Variants in TSPAN7 observed in about 807,000 individuals in gnomAD.
TSPAN7 encodes the protein tetraspanin-7.
Under a neutral mutation model 17.6 loss-of-function variants are expected in TSPAN7, and 1 was observed. The ratio of observed to expected loss-of-function variants is 0.06; its 90% CI spans 0.02 to 0.27. The LOEUF (loss-of-function observed/expected upper bound fraction) is 0.27, where lower values mean the gene tolerates loss of function less well. Ranked by LOEUF, TSPAN7 falls within the 10% of genes least tolerant of loss-of-function variation. The probability of loss-of-function intolerance (pLI) is 1.00; values close to 1 mark genes in which losing one functional copy is unlikely to be tolerated. For synonymous variants in TSPAN7, 78 were observed against 79.0 expected (o/e 0.99, Z 0.07); for missense variants, 112 against 201.7 (o/e 0.56, Z 2.69).
intron 1 of TSPAN7, among the ~76,000 whole-genome samples, chrX:38,572,286 G>A (rs760703684): frequency 2.7e-5 from 3 of 111,419 alleles, no homozygotes; most frequent in South Asian, 7.6e-4. Flanking sequence ...TGATTGAGAA[G>A]CATGTTCACT....
chrX:38,575,987 G>A (rs1207349258), intron 1 of TSPAN7, among the ~76,000 whole-genome samples: 5 of 112,121 alleles, frequency 4.5e-5, no homozygotes, highest in African/African-American at 1.6e-4. Context: ...AGAAGTGGTA[G>A]GCAAACGTTT....
intron 1 of TSPAN7, among the ~76,000 whole-genome samples, chrX:38,588,048 A>G (rs1487469972): frequency 3.6e-5 from 4 of 111,496 alleles, no homozygotes; most frequent in Admixed American, 9.6e-5. Context: ...ACTAATTGCT[A>G]TAATTGGAGC....
At chrX:38,655,923 A>G (rs1410742502) in intron 1 of TSPAN7, 3 of 292,755 alleles carry the variant, frequency 1.0e-5, no homozygotes, top group African/African-American at 5.5e-5. Context: ...TAGGTTCAAC[A>G]TAATTATGAG....
intron 1 of TSPAN7, chrX:38,646,234 T>A: frequency 8.8e-7 from 1 of 1,137,661 alleles, no homozygotes; most frequent in Non-Finnish European, 1.2e-6. Context: ...TTTTCTATAA[T>A]ATCTTTTGTA....
chrX:38,669,176 G>A (rs1206935746), intron 2 of TSPAN7, among the ~76,000 whole-genome samples: 1 of 111,881 alleles, frequency 8.9e-6, no homozygotes, highest in Non-Finnish European at 1.9e-5. Context: ...CACAGAGTAT[G>A]CATGTATCAA....
At chrX:38,567,769 A>C (rs1488757440) in intron 1 of TSPAN7, among the ~76,000 whole-genome samples, 4 of 111,953 alleles carry the variant, frequency 3.6e-5, no homozygotes, top group African/African-American at 1.3e-4. Flanking sequence ...CTGTCTTCCC[A>C]CTATGGAAGA....
In TSPAN7 at chrX:38,674,187, G is replaced by A. The variant is rs1405245548; in HGVS notation, c.346-34G>A. 6 of 1,075,358 alleles carry A rather than the reference G, an allele frequency of 5.6e-6. No individual in the cohort carries two copies. In the South Asian group the frequency reaches 1.2e-4, roughly 21 times the overall value. 88.6% of individuals were successfully genotyped at this position (1,075,358 alleles called of 1,213,427 possible). On this transcript the variant is annotated intron_variant, in intron 3 of 7. Transcript: ENST00000378482. Reference sequence around the variant, plus strand: ...AATTGGAGTCAGTTTGGGCTGTGGTGGACTGCAATCACATCCCTCCTTGTC... The same window carrying A: ...AATTGGAGTCAGTTTGGGCTGTGGTAGACTGCAATCACATCCCTCCTTGTC...
At chrX:38,586,724 C>T (rs893379680) in intron 1 of TSPAN7, among the ~76,000 whole-genome samples, 46 of 112,019 alleles carry the variant, frequency 4.1e-4, no homozygotes, top group African/African-American at 1.5e-3. Flanking sequence ...TGTTGAGAGA[C>T]TTGGTCAATG....
At chrX:38,673,468 A>G (rs1324326706) in intron 3 of TSPAN7, among the ~76,000 whole-genome samples, 1 of 107,255 alleles carries the variant, frequency 9.3e-6, no homozygotes, top group East Asian at 2.9e-4. Context: ...CCTGGGTTCA[A>G]GCGATTCTCT....
chrX:38,632,948 C>T (rs1425747149), intron 1 of TSPAN7, among the ~76,000 whole-genome samples: 1 of 112,242 alleles, frequency 8.9e-6, no homozygotes, highest in African/African-American at 3.2e-5. Flanking sequence ...GTCTCTTCTG[C>T]CATTTCCTGG....
intron 3 of TSPAN7, among the ~76,000 whole-genome samples, chrX:38,671,856 C>A (rs769370583): frequency 3.9e-4 from 43 of 110,242 alleles, no homozygotes; most frequent in Non-Finnish European, 6.4e-4. Context: ...GCAGCCTGGG[C>A]AACATAGTGA....
rs185229754 is a variant in TSPAN7, at chrX:38,629,052, G to T, written c.82-37069G>T. Among the ~76,000 whole-genome samples, 3 of 112,249 alleles carry T rather than the reference G, an allele frequency of 2.7e-5. No homozygotes were observed. In the East Asian group the frequency reaches 8.4e-4, roughly 31 times the overall value. The stretch of plus-strand genomic sequence containing the variant: ...TCAATAGAAACAATATGTGAGCCTT[G>T]TGAGTGATTTTAAATTATCTAGTAC... On this transcript the variant is annotated intron_variant, in intron 1 of 7. Coordinates refer to ENST00000378482, the MANE Select transcript of TSPAN7 (RefSeq NM_004615.4).
intron 1 of TSPAN7, among the ~76,000 whole-genome samples, chrX:38,619,070 A>T (rs778696776): frequency 1.8e-5 from 2 of 111,611 alleles, no homozygotes; most frequent in East Asian, 5.7e-4. Context: ...GTTACCATGC[A>T]CTGAAAAATC....
intron 1 of TSPAN7, chrX:38,646,127 A>G (rs2069644523): frequency 2.1e-6 from 1 of 477,404 alleles, no homozygotes; most frequent in Non-Finnish European, 3.1e-6. Context: ...TAAACTAGTA[A>G]TAGTTGGTGT....
chrX:38,641,158 C>T (rs1188249004), intron 1 of TSPAN7, among the ~76,000 whole-genome samples: 1 of 111,968 alleles, frequency 8.9e-6, no homozygotes, highest in African/African-American at 3.2e-5. Context: ...AGTGGGAGAT[C>T]TCAAGTATGT....
chrX:38,630,198 T>TA (rs775770593), intron 1 of TSPAN7, among the ~76,000 whole-genome samples: 2 of 112,283 alleles, frequency 1.8e-5, no homozygotes, highest in South Asian at 7.4e-4. Context: ...TCATGTAGTC[T>TA]AAAAAGTGTT....
intron 1 of TSPAN7, among the ~76,000 whole-genome samples, chrX:38,635,362 GATGCCC>G (rs1390548185): frequency 9.0e-6 from 1 of 111,321 alleles, no homozygotes. Flanking sequence ...TTGAGGCCAA[GATGCCC>G]TCAAAGGTAG....
intron 1 of TSPAN7, among the ~76,000 whole-genome samples, chrX:38,653,746 G>A (rs1002987234): frequency 8.9e-6 from 1 of 112,161 alleles, no homozygotes; most frequent in African/African-American, 3.2e-5. Flanking sequence ...CTTGAAGGAG[G>A]GGAATAATGC....
chrX:38,672,952 C>T (rs764744047), intron 3 of TSPAN7, among the ~76,000 whole-genome samples: 3 of 112,266 alleles, frequency 2.7e-5, no homozygotes, highest in African/African-American at 9.7e-5. Context: ...CATGAGTCCT[C>T]AAAATAGTCT....
Sources: allele counts gnomAD v4.1 joint callset (sites outside exome capture counted in the v4.1 genomes callset), GRCh38; gene constraint gnomAD v4.1.1; transcripts MANE v1.5; gene names NCBI Gene and HGNC (gene_info 2026-07-23, HGNC 2026-07-21).